CHD1L: variants seen among roughly 807,000 people sequenced by gnomAD.
CHD1L encodes ATP-dependent chromatin remodeler CHD1L.
CHD1L carries 118 observed loss-of-function variants against 115.9 expected under a neutral mutation model. That is an observed-to-expected ratio of 1.02 (90% CI 0.88 to 1.19). The LOEUF (loss-of-function observed/expected upper bound fraction) is 1.19. Ranked by LOEUF, CHD1L falls within the 50% of genes most tolerant of loss-of-function variation. The pLI is 0.00. For synonymous variants in CHD1L, 411 were observed against 387.1 expected (o/e 1.06, Z -0.72); for missense variants, 1,179 against 1,065.3 (o/e 1.11, Z -1.49).
At chr1:147,235,270 C>T in the CHD1L span, among the ~76,000 whole-genome samples, 10 of 152,258 alleles carry the variant, frequency 6.6e-5, no homozygotes, top group South Asian at 2.1e-3. Context: ...CTTAATTCTC[C>T]ACTGATGAGA....
intron 14 of CHD1L, among the ~76,000 whole-genome samples, chr1:147,278,222 G>GTTTTTTTTTTTTT (rs71083825): frequency 4.4e-5 from 4 of 91,130 alleles, no homozygotes; most frequent in Non-Finnish European, 7.7e-5. Flanking sequence ...TGTTTTTTGG[G>GTTTTTTTTTTTTT]TTTTTTTTTT....
chr1:147,221,942 G>A, the CHD1L span, among the ~76,000 whole-genome samples: 17 of 152,214 alleles, frequency 1.1e-4, no homozygotes, highest in Admixed American at 5.9e-4. Context: ...GTGAGTAGAA[G>A]AAAAAGAAGC....
Position 147,285,323 on chromosome 1 carries a change from G to C in CHD1L, c.1855-1G>C, listed in dbSNP as rs908696431. 6.2e-7 allele frequency: 1 copy of C among 1,606,460 alleles called. No homozygotes were observed. The highest frequency in any genetic ancestry group is 1.3e-5 in the African/African-American group (1 of 74,204). On this transcript the variant is annotated splice_acceptor_variant, in intron 16 of 22. Coordinates refer to ENST00000369258, the MANE Select transcript of CHD1L (RefSeq NM_004284.6). LOFTEE classifies it high-confidence loss of function. ...GGTGATGGATCTTGTTCTTCCTCTA[G>C]GTTCTCATCCCAGGCCTTGTGGAGG...
At chr1:147,267,072 G>A (rs587764058) in intron 8 of CHD1L, among the ~76,000 whole-genome samples, 2 of 152,266 alleles carry the variant, frequency 1.3e-5, no homozygotes, top group South Asian at 4.1e-4. Context: ...AATTCACTGG[G>A]AGGAATTGGA....
chr1:147,186,418 C>T, the CHD1L span: 1 of 906,938 alleles, frequency 1.1e-6, no homozygotes, highest in African/African-American at 1.8e-5. Flanking sequence ...ATTGTAGGAA[C>T]ATTATTTCTC....
intron 1 of CHD1L, among the ~76,000 whole-genome samples, chr1:147,247,088 A>C (rs1553934176): frequency 6.6e-6 from 1 of 152,186 alleles, no homozygotes. Flanking sequence ...CTGTTTAGAA[A>C]GAAGTGTGTT....
the CHD1L span, among the ~76,000 whole-genome samples, chr1:147,198,829 C>T: frequency 5.0e-5 from 6 of 119,230 alleles, no homozygotes; most frequent in African/African-American, 6.5e-5. Context: ...CCAGCCTGGG[C>T]GACAGAGCGA....
At chr1:147,221,768 C>T in the CHD1L span, among the ~76,000 whole-genome samples, 1 of 152,244 alleles carries the variant, frequency 6.6e-6, no homozygotes, top group South Asian at 2.1e-4. Flanking sequence ...TGAGGTACTC[C>T]TATATTTCAA....
At chr1:147,279,706 T>C (rs1460550410) in intron 14 of CHD1L, among the ~76,000 whole-genome samples, 5 of 152,184 alleles carry the variant, frequency 3.3e-5, no homozygotes, top group Admixed American at 6.5e-5. Flanking sequence ...AAAAAGTCAG[T>C]GAGAGGTGCT....
intron 1 of CHD1L, among the ~76,000 whole-genome samples, chr1:147,244,960 T>C (rs901428907): frequency 6.6e-6 from 1 of 152,232 alleles, no homozygotes; most frequent in Admixed American, 6.5e-5. Flanking sequence ...ATTTTCTAAT[T>C]TGAGAAGTTA....
the CHD1L span, among the ~76,000 whole-genome samples, chr1:147,222,011 C>T: frequency 2.0e-5 from 3 of 152,214 alleles, no homozygotes; most frequent in Non-Finnish European, 4.4e-5. Context: ...TCTCTACAAA[C>T]TCTATACACT....
the CHD1L span, among the ~76,000 whole-genome samples, chr1:147,206,360 G>A: frequency 6.6e-6 from 1 of 152,070 alleles, no homozygotes; most frequent in Admixed American, 6.6e-5. Context: ...ACAGTGTGGC[G>A]ATTCCTCAAA....
the CHD1L span, among the ~76,000 whole-genome samples, chr1:147,190,849 A>G: frequency 3.3e-5 from 5 of 151,506 alleles, no homozygotes; most frequent in South Asian, 2.1e-4. Context: ...CCACCCCACA[A>G]CAGTCCCTGG....
the CHD1L span, among the ~76,000 whole-genome samples, chr1:147,229,496 T>A: frequency 3.9e-5 from 6 of 152,200 alleles, no homozygotes; most frequent in African/African-American, 1.4e-4. Flanking sequence ...ATGCGGGCTC[T>A]TTTTTGGTTC....
Position 147,254,940 on chromosome 1 carries a change from T to TG in CHD1L, c.312dup (p.Ser105ValfsTer50). On this transcript the variant is annotated frameshift_variant, in exon 3 of 23. Transcript: ENST00000369258. LOFTEE classifies it high-confidence loss of function. ...GGGCCATTTCTGATTCTTTGTCCCT[T>TG]GTCTGTTTTGAGCAACTGGAAAGAA... The TG allele has an allele frequency of 6.2e-7, 1 of 1,608,954 alleles. No homozygotes were observed. The highest frequency in any genetic ancestry group is 1.1e-5 in the South Asian group (1 of 89,940).
intron 19 of CHD1L, 63 bp downstream of exon 19, chr1:147,287,796 T>A: frequency 7.2e-7 from 1 of 1,387,462 alleles, no homozygotes; most frequent in East Asian, 2.3e-5. Context: ...CACCTAAGAC[T>A]GTATCGTGAG....
chr1:147,295,296 G>T, intron 22 of CHD1L, 135 bp from the exon 23 acceptor site: 1 of 668,932 alleles, frequency 1.5e-6, no homozygotes, highest in East Asian at 2.7e-5. Flanking sequence ...AATATTGAAA[G>T]TGTTTATGAT....
chr1:147,280,267 G>C, intron 15 of CHD1L, 76 bp downstream of exon 15: 1 of 1,435,586 alleles, frequency 7.0e-7, no homozygotes, highest in Non-Finnish European at 9.3e-7. Flanking sequence ...GAAAGTTTTG[G>C]ATGCTGCTCT....
intron 14 of CHD1L, among the ~76,000 whole-genome samples, chr1:147,277,793 GAGA>G (rs1204589197): frequency 6.6e-6 from 1 of 152,202 alleles, no homozygotes; most frequent in Non-Finnish European, 1.5e-5. Flanking sequence ...CCTTAAGAGA[GAGA>G]AGGTCACTGC....
Sources: gnomAD v4.1 joint callset for allele counts (sites outside exome capture counted in the v4.1 genomes callset) on GRCh38, gnomAD v4.1.1 for gene constraint, MANE v1.5 for transcripts, NCBI Gene and HGNC (gene_info 2026-07-23, HGNC 2026-07-21) for gene names.